The following NKAIN2 variants were observed in gnomAD, a reference collection of about 807,000 sequenced individuals.
The protein encoded by NKAIN2 is sodium/potassium-transporting ATPase subunit beta-1-interacting protein 2.
A neutral mutation model predicts 32.6 loss-of-function variants in NKAIN2; 14 were observed. The ratio of observed to expected loss-of-function variants is 0.43; its 90% CI spans 0.28 to 0.67. The LOEUF (loss-of-function observed/expected upper bound fraction) is 0.67. Among genes scored for constraint, NKAIN2 ranks in the 30% least tolerant of loss-of-function variants. NKAIN2 has a pLI of 0.17. For synonymous variants in NKAIN2, 80 were observed against 87.2 expected (o/e 0.92, Z 0.46); for missense variants, 198 against 258.3 (o/e 0.77, Z 1.60).
intron 3 of NKAIN2, among the ~76,000 whole-genome samples, chr6:124,647,064 T>C (rs189624611): frequency 6.6e-6 from 1 of 151,838 alleles, no homozygotes; most frequent in Non-Finnish European, 1.5e-5. Flanking sequence ...ACCTAAAAAA[T>C]ACCCCTAGTA....
At chr6:123,963,708 A>T (rs1373042559) in intron 1 of NKAIN2, among the ~76,000 whole-genome samples, 1 of 152,238 alleles carries the variant, frequency 6.6e-6, no homozygotes, top group Non-Finnish European at 1.5e-5. Context: ...GACTTCCAGC[A>T]TGCCAATTTT....
chr6:124,389,313 A>G (rs929899552), intron 3 of NKAIN2, among the ~76,000 whole-genome samples: 6 of 152,040 alleles, frequency 3.9e-5, no homozygotes, highest in African/African-American at 1.4e-4. Context: ...CTTTCTTCCT[A>G]TTAAATAGCT....
intron 3 of NKAIN2, among the ~76,000 whole-genome samples, chr6:124,453,510 G>GA (rs1286725351): frequency 1.3e-5 from 2 of 151,238 alleles, no homozygotes; most frequent in African/African-American, 2.4e-5. Flanking sequence ...TGTAGAGGAT[G>GA]AAAAAAAAGT....
intron 1 of NKAIN2, among the ~76,000 whole-genome samples, chr6:124,180,613 G>A (rs1789394094): frequency 6.6e-6 from 1 of 152,116 alleles, no homozygotes; most frequent in Admixed American, 6.5e-5. Context: ...CTTCCCAGCA[G>A]TCCCCAAAGT....
intron 1 of NKAIN2, among the ~76,000 whole-genome samples, chr6:124,269,277 A>G (rs1306218896): frequency 6.6e-6 from 1 of 152,120 alleles, no homozygotes; most frequent in Non-Finnish European, 1.5e-5. Context: ...GCATCTCCGT[A>G]TCTGTGTTGA....
chr6:124,491,771 C>A (rs1234140861), intron 3 of NKAIN2, among the ~76,000 whole-genome samples: 2 of 151,804 alleles, frequency 1.3e-5, no homozygotes, highest in Non-Finnish European at 2.9e-5. Flanking sequence ...CCAAAACATG[C>A]AGGTAGTAAA....
chr6:124,786,321 A>G (rs747680339), intron 4 of NKAIN2, among the ~76,000 whole-genome samples: 8 of 152,096 alleles, frequency 5.3e-5, no homozygotes, highest in Non-Finnish European at 7.4e-5. Context: ...GTTTTTAGTT[A>G]TACTTAATAG....
chr6:124,820,274 C>T (rs1781339154), intron 6 of NKAIN2, among the ~76,000 whole-genome samples: 1 of 152,132 alleles, frequency 6.6e-6, no homozygotes, highest in South Asian at 2.1e-4. Context: ...TTAAGACGAC[C>T]TACTGAAGGC....
At chr6:124,756,229 G>A (rs540370053) in intron 4 of NKAIN2, among the ~76,000 whole-genome samples, 135 of 152,192 alleles carry the variant, frequency 8.9e-4, no homozygotes, top group African/African-American at 3.1e-3. Context: ...TGGATAAAAC[G>A]CCTTCCCAAA....
intron 3 of NKAIN2, among the ~76,000 whole-genome samples, chr6:124,507,729 T>C (rs1778542037): frequency 6.6e-6 from 1 of 152,168 alleles, no homozygotes; most frequent in Non-Finnish European, 1.5e-5. Flanking sequence ...TGATTTATCT[T>C]TACAATATTT....
intron 1 of NKAIN2, among the ~76,000 whole-genome samples, chr6:124,046,909 T>C (rs1310580699): frequency 6.6e-6 from 1 of 152,008 alleles, no homozygotes; most frequent in African/African-American, 2.4e-5. Flanking sequence ...GAAAGTATAT[T>C]GGAATGAGAA....
chr6:124,366,639 G>C (rs573982824), intron 3 of NKAIN2, among the ~76,000 whole-genome samples: 1 of 152,092 alleles, frequency 6.6e-6, no homozygotes, highest in East Asian at 1.9e-4. Flanking sequence ...ACAGATTACT[G>C]AACTCAAATG....
At chr6:124,700,172 C>G (rs895057292) in intron 4 of NKAIN2, among the ~76,000 whole-genome samples, 2 of 152,084 alleles carry the variant, frequency 1.3e-5, no homozygotes, top group Non-Finnish European at 2.9e-5. Context: ...GTGAGTGACT[C>G]TAATTATTGT....
intron 3 of NKAIN2, among the ~76,000 whole-genome samples, chr6:124,377,241 A>C (rs180854190): frequency 6.6e-6 from 1 of 152,300 alleles, no homozygotes; most frequent in Non-Finnish European, 1.5e-5. Flanking sequence ...CTCTTATTTC[A>C]ATCTACTATT....
At chr6:124,091,280 C>T (rs1784406837) in intron 1 of NKAIN2, among the ~76,000 whole-genome samples, 1 of 151,828 alleles carries the variant, frequency 6.6e-6, no homozygotes, top group South Asian at 2.1e-4. Flanking sequence ...ATCATTACAG[C>T]AGGCACATGA....
intron 4 of NKAIN2, among the ~76,000 whole-genome samples, chr6:124,688,455 C>G (rs901205811): frequency 6.6e-6 from 1 of 152,062 alleles, no homozygotes; most frequent in African/African-American, 2.4e-5. Flanking sequence ...ACATTTGTTA[C>G]AATTGATGAA....
chr6:124,221,954 A>G (rs1791854714), intron 1 of NKAIN2, among the ~76,000 whole-genome samples: 2 of 152,322 alleles, frequency 1.3e-5, no homozygotes, highest in South Asian at 4.1e-4. Flanking sequence ...CTTTTCATTG[A>G]GAAATTAATA....
intron 3 of NKAIN2, among the ~76,000 whole-genome samples, chr6:124,383,521 C>G (rs759924654): frequency 6.6e-6 from 1 of 152,108 alleles, no homozygotes; most frequent in Non-Finnish European, 1.5e-5. Flanking sequence ...GAACCTATAC[C>G]CCTGACACAC....
intron 2 of NKAIN2, among the ~76,000 whole-genome samples, chr6:124,299,522 T>C (rs371090525): frequency 6.6e-6 from 1 of 152,332 alleles, no homozygotes; most frequent in Non-Finnish European, 1.5e-5. Flanking sequence ...CGATTCATGA[T>C]GTAAATTGTT....
Sources: gnomAD v4.1 joint callset for allele counts (sites outside exome capture counted in the v4.1 genomes callset) on GRCh38, gnomAD v4.1.1 for gene constraint, MANE v1.5 for transcripts, NCBI Gene and HGNC (gene_info 2026-07-23, HGNC 2026-07-21) for gene names.